MTUS2: variants seen among roughly 807,000 people sequenced by gnomAD.
MTUS2 encodes the protein microtubule associated scaffold protein 2.
A neutral mutation model predicts 114.1 loss-of-function variants in MTUS2; 40 were observed. The ratio of observed to expected loss-of-function variants is 0.35; its 90% CI spans 0.27 to 0.46. MTUS2 has a LOEUF of 0.46. Ranked by LOEUF, MTUS2 falls within the 20% of genes least tolerant of loss-of-function variation. The pLI is 1.00. For synonymous variants in MTUS2, 688 were observed against 672.0 expected, an observed-to-expected ratio of 1.02 and a Z score of -0.37; for missense variants, 1,679 against 1,705.4, an observed-to-expected ratio of 0.98 and a Z score of 0.27.
intron 5 of MTUS2, among the ~76,000 whole-genome samples, chr13:29,182,322 A>G (rs1444960227): frequency 3.3e-5 from 5 of 152,190 alleles, no homozygotes; most frequent in Non-Finnish European, 5.9e-5. Flanking sequence ...ATTTTCATCT[A>G]TACAGTCTCC....
intron 9 of MTUS2, among the ~76,000 whole-genome samples, chr13:29,460,608 T>C (rs923666163): frequency 6.6e-6 from 1 of 152,204 alleles, no homozygotes; most frequent in Non-Finnish European, 1.5e-5. Context: ...TTTTTCCTTC[T>C]TAAATCATTC....
chr13:29,430,255 A>G (rs2138636889), intron 8 of MTUS2, among the ~76,000 whole-genome samples: 1 of 152,306 alleles, frequency 6.6e-6, no homozygotes, highest in East Asian at 1.9e-4. Flanking sequence ...TTAGAAATAG[A>G]GGCTGTAATA....
intron 8 of MTUS2, among the ~76,000 whole-genome samples, chr13:29,366,591 TG>T (rs1870734202): frequency 6.6e-6 from 1 of 152,210 alleles, no homozygotes; most frequent in African/African-American, 2.4e-5. Context: ...TATTGATCCC[TG>T]CGGCCCACTC....
intron 2 of MTUS2, among the ~76,000 whole-genome samples, chr13:28,958,781 A>T (rs1228916705): frequency 6.6e-6 from 1 of 152,222 alleles, no homozygotes; most frequent in Non-Finnish European, 1.5e-5. Context: ...AGAAAGCTGT[A>T]GCTGTGGATG....
chr13:29,381,291 G>A (rs184532030), intron 8 of MTUS2, among the ~76,000 whole-genome samples: 144 of 152,208 alleles, frequency 9.5e-4, no homozygotes, highest in Non-Finnish European at 1.7e-3. Context: ...AAGCAAAGGA[G>A]GAAAATGCCC....
intron 9 of MTUS2, among the ~76,000 whole-genome samples, chr13:29,479,457 G>T (rs2138888989): frequency 6.6e-6 from 1 of 152,306 alleles, no homozygotes. Flanking sequence ...CGCTGTCATT[G>T]CCTCATGCCC....
intron 2 of MTUS2, among the ~76,000 whole-genome samples, chr13:29,011,913 A>C (rs895628566): frequency 6.6e-6 from 1 of 152,230 alleles, no homozygotes; most frequent in Non-Finnish European, 1.5e-5. Context: ...AAAGGATATG[A>C]GCTTCTGATG....
At position 29,025,059 on chromosome 13, in the gene MTUS2, C is replaced by T; in HGVS notation, c.361C>T (p.Leu121=). Residue 121 remains leucine, a synonymous_variant, in exon 3 of 16, where the codon CTG becomes TTG. Transcript: ENST00000612955. ...CACAGTGGAGAGAGGCACAGATAGC[C>T]TGCAGACCACGCGGAGTATTCAGGG... ...EHTVERGTDS[L]QTTRSIQGPS... is the part of the protein sequence containing the mutation. 6.2e-7 allele frequency: 1 copy of T among 1,613,968 alleles called. No individual in the cohort carries two copies. Among genetic ancestry groups the T allele is most frequent in the Non-Finnish European group, 8.5e-7 (1 of 1,179,888 alleles).
intron 5 of MTUS2, among the ~76,000 whole-genome samples, chr13:29,193,211 T>TCAC (rs1894519757): frequency 6.6e-6 from 1 of 152,132 alleles, no homozygotes; most frequent in African/African-American, 2.4e-5. Context: ...ACTATACTTC[T>TCAC]TGTTTTCTTA....
chr13:28,906,948 T>C (rs1473191079), intron 2 of MTUS2, among the ~76,000 whole-genome samples: 1 of 151,244 alleles, frequency 6.6e-6, no homozygotes, highest in Non-Finnish European at 1.5e-5. Flanking sequence ...GACACATAAT[T>C]GTCAGATTCA....
At chr13:28,963,351 AAAAAAC>A (rs1883422573) in intron 2 of MTUS2, among the ~76,000 whole-genome samples, 1 of 152,208 alleles carries the variant, frequency 6.6e-6, no homozygotes, top group Non-Finnish European at 1.5e-5. Context: ...ACTCCATCTC[AAAAAAC>A]AAAAACAAAA....
At chr13:29,055,017 G>C (rs1888067560) in intron 4 of MTUS2, among the ~76,000 whole-genome samples, 1 of 151,912 alleles carries the variant, frequency 6.6e-6, no homozygotes, top group African/African-American at 2.4e-5. Flanking sequence ...CTTATGTTTG[G>C]TATACTGATG....
intron 2 of MTUS2, among the ~76,000 whole-genome samples, chr13:29,021,517 G>T (rs1490068263): frequency 6.6e-6 from 1 of 152,124 alleles, no homozygotes; most frequent in East Asian, 1.9e-4. Flanking sequence ...GTTTGTCTCT[G>T]CTGAGCAAAG....
chr13:28,940,663 G>A (rs556445044), intron 2 of MTUS2, among the ~76,000 whole-genome samples: 2 of 152,168 alleles, frequency 1.3e-5, no homozygotes, highest in East Asian at 3.9e-4. Flanking sequence ...AACAGAAATT[G>A]AGAGTTCAAT....
chr13:28,824,281 G>A (rs911422811), intron 1 of MTUS2, among the ~76,000 whole-genome samples: 2 of 152,172 alleles, frequency 1.3e-5, no homozygotes, highest in African/African-American at 4.8e-5. Context: ...TGAGATATAT[G>A]TGTATCTCCT....
intron 8 of MTUS2, among the ~76,000 whole-genome samples, chr13:29,383,236 G>GTATATATATATATA (rs1566168498): frequency 1.7e-4 from 4 of 23,882 alleles, no homozygotes; most frequent in African/African-American, 3.2e-4. Context: ...GTGTGTGTGT[G>GTATATATATATATA]TGTGTGTGTG....
Position 29,388,078 on chromosome 13 carries a change from C to T in MTUS2, c.3117+28605C>T, listed in dbSNP as rs967935440. On this transcript the variant is annotated intron_variant, in intron 8 of 15. Transcript: ENST00000612955. ...TGAGGACCCAGCATGGCCCCTACCC[C>T]CAGAGCCCAAGAAGGACTGTCCCCC... Among the ~76,000 whole-genome samples, 6 of 152,260 alleles carry T rather than the reference C, an allele frequency of 3.9e-5. No homozygotes were observed. In the East Asian group the frequency reaches 1.2e-3, roughly 29 times the overall value.
At chr13:29,106,729 C>T (rs1484370683) in intron 5 of MTUS2, among the ~76,000 whole-genome samples, 1 of 151,986 alleles carries the variant, frequency 6.6e-6, no homozygotes, top group African/African-American at 2.4e-5. Flanking sequence ...TGGCACTTAC[C>T]ACATCCTCAT....
chr13:29,185,192 T>A (rs561574685), intron 5 of MTUS2, among the ~76,000 whole-genome samples: 67 of 151,812 alleles, frequency 4.4e-4, no homozygotes, highest in Non-Finnish European at 6.5e-4. Context: ...AGCAGAAGAA[T>A]CACGTATATT....
Sources: gnomAD v4.1 joint callset for allele counts (sites outside exome capture counted in the v4.1 genomes callset) on GRCh38, gnomAD v4.1.1 for gene constraint, MANE v1.5 for transcripts, NCBI Gene and HGNC (gene_info 2026-07-23, HGNC 2026-07-21) for gene names.